The following PBX3 variants were observed in gnomAD, a reference collection of about 807,000 sequenced individuals.
PBX3 encodes the protein pre-B-cell leukemia transcription factor 3.
Under a neutral mutation model 48.5 loss-of-function variants are expected in PBX3, and 14 were observed. That is an observed-to-expected ratio of 0.29 (90% CI 0.19 to 0.45). PBX3 has a LOEUF of 0.45. PBX3 is among the 20% of genes least tolerant of loss of function. The probability of loss-of-function intolerance (pLI) is 1.00; values close to 1 mark genes in which losing one functional copy is unlikely to be tolerated. For missense variants in PBX3, 386 were observed against 546.7 expected (o/e 0.71, Z 2.93); for synonymous variants, 210 against 200.3 (o/e 1.05, Z -0.41).
intron 2 of PBX3, among the ~76,000 whole-genome samples, chr9:125,819,930 A>C (rs1484901999): frequency 6.6e-6 from 1 of 152,052 alleles, no homozygotes; most frequent in Non-Finnish European, 1.5e-5. Flanking sequence ...TTCCCATGTA[A>C]ATTTTATTTC....
chr9:125,780,631 C>T (rs1355009744), intron 2 of PBX3, among the ~76,000 whole-genome samples: 8 of 113,938 alleles, frequency 7.0e-5, no homozygotes, highest in African/African-American at 1.3e-4. Context: ...GGCGGCTGGC[C>T]GGGCGGGGGG....
intron 2 of PBX3, among the ~76,000 whole-genome samples, chr9:125,875,651 C>T (rs529557362): frequency 1.1e-4 from 16 of 152,084 alleles, no homozygotes; most frequent in Admixed American, 2.0e-4. Context: ...ATCTTCCTGA[C>T]CTTCTGCCGC....
At chr9:125,787,631 C>G (rs997237420) in intron 2 of PBX3, among the ~76,000 whole-genome samples, 3 of 151,920 alleles carry the variant, frequency 2.0e-5, no homozygotes, top group Admixed American at 6.6e-5. Flanking sequence ...GGGTCTGTTG[C>G]AAGAATAGTT....
chr9:125,834,837 G>A (rs376864437), intron 2 of PBX3, among the ~76,000 whole-genome samples: 3 of 150,038 alleles, frequency 2.0e-5, no homozygotes, highest in African/African-American at 4.9e-5. Flanking sequence ...CCAACATGGC[G>A]AAACCCCGTC....
intron 2 of PBX3, among the ~76,000 whole-genome samples, chr9:125,767,182 C>A (rs757672076): frequency 6.6e-6 from 1 of 152,108 alleles, no homozygotes; most frequent in Non-Finnish European, 1.5e-5. Flanking sequence ...AATGGAAAGC[C>A]ATTGGAAGTA....
intron 5 of PBX3, among the ~76,000 whole-genome samples, chr9:125,957,821 C>G (rs967357607): frequency 6.6e-6 from 1 of 152,162 alleles, no homozygotes; most frequent in Non-Finnish European, 1.5e-5. Flanking sequence ...CAAGACTATC[C>G]TCCTTTGCAC....
At chr9:125,757,555 T>C (rs1210653002) in intron 2 of PBX3, among the ~76,000 whole-genome samples, 1 of 152,182 alleles carries the variant, frequency 6.6e-6, no homozygotes, top group South Asian at 2.1e-4. Context: ...AACCTAGTAA[T>C]ATTGGCATAT....
chr9:125,889,930 G>C (rs1012515951), intron 2 of PBX3, among the ~76,000 whole-genome samples: 3 of 150,568 alleles, frequency 2.0e-5, no homozygotes, highest in South Asian at 2.1e-4. Flanking sequence ...CGCCCTGAGC[G>C]GTCCCCCGCG....
At chr9:125,911,069 A>C (rs1841193175) in intron 2 of PBX3, among the ~76,000 whole-genome samples, 1 of 151,932 alleles carries the variant, frequency 6.6e-6, no homozygotes, top group Non-Finnish European at 1.5e-5. Flanking sequence ...CCCAACCCCA[A>C]ATACTTTAGT....
In PBX3 at chr9:125,748,523, C is replaced by G. The variant is rs751713313; in HGVS notation, c.201-27C>G. 29 of 1,611,088 alleles carry G rather than the reference C, an allele frequency of 1.8e-5. No individual in the cohort carries two copies. The Admixed American group carries it at 3.5e-4, about 19-fold the overall frequency. On this transcript the variant is annotated intron_variant, in intron 1 of 8. Coordinates refer to ENST00000373489, the MANE Select transcript of PBX3 (RefSeq NM_006195.6). ...ATTATTCCATAGGTGATGCTAATAC[C>G]TTTGTGTTTCGTTATTTGTTTTTTA...
At chr9:125,804,710 A>G (rs1002015387) in intron 2 of PBX3, among the ~76,000 whole-genome samples, 3 of 152,146 alleles carry the variant, frequency 2.0e-5, no homozygotes, top group African/African-American at 7.2e-5. Context: ...AGGCCGAGGC[A>G]GGTGGATCAC....
intron 2 of PBX3, among the ~76,000 whole-genome samples, chr9:125,912,092 C>T (rs1048343739): frequency 7.9e-5 from 12 of 152,148 alleles, no homozygotes; most frequent in Non-Finnish European, 1.8e-4. Flanking sequence ...GTTGTTTGCA[C>T]CTCATTCACT....
chr9:125,867,036 G>T (rs1414114864), intron 2 of PBX3, among the ~76,000 whole-genome samples: 2 of 152,072 alleles, frequency 1.3e-5, no homozygotes, highest in Admixed American at 6.5e-5. Flanking sequence ...CTAGGGTCTT[G>T]TGACATCTGT....
intron 2 of PBX3, among the ~76,000 whole-genome samples, chr9:125,883,128 T>C (rs1840419403): frequency 6.6e-6 from 1 of 152,250 alleles, no homozygotes. Context: ...GTAGTTTAAG[T>C]CTTTTAATAT....
rs35298105 is a variant in PBX3 at position 125,966,116 on chromosome 9, T to TAA, written c.*200_*201dup. On this transcript the variant is annotated 3_prime_UTR_variant, in exon 9 of 9. Coordinates refer to ENST00000373489, the MANE Select transcript of PBX3 (RefSeq NM_006195.6). ...ATTTATACTTAAAAACACACAATGT[T>TAA]AAAAAAAATAAAGCACTTTATCCAA... is the stretch of plus-strand genomic sequence containing the variant. 111 of 388,068 alleles carry TAA rather than the reference T, an allele frequency of 2.9e-4. No individual in the cohort carries two copies. Among genetic ancestry groups the TAA allele is most frequent in the Middle Eastern group, 6.8e-4 (1 of 1,468 alleles). 24.0% of individuals were successfully genotyped at this position (388,068 alleles called of 1,614,324 possible).
chr9:125,907,927 C>T lies in PBX3; in HGVS notation c.275-7759C>T, dbSNP rs541898480. On this transcript the variant is annotated intron_variant, in intron 2 of 8. Coordinates refer to ENST00000373489, the MANE Select transcript of PBX3 (RefSeq NM_006195.6). Reference sequence around the variant, plus strand: ...CTACAAATGAGGCCAATGACATCCACCCTGTAAGGTTATTTTAAAAATCAA... The same window carrying T: ...CTACAAATGAGGCCAATGACATCCATCCTGTAAGGTTATTTTAAAAATCAA... Among the ~76,000 whole-genome samples the T allele has an allele frequency of 8.3e-4, 127 of 152,122 alleles. 1 individual carries two copies. The highest frequency in any genetic ancestry group is 1.1e-3 in the Non-Finnish European group (76 of 67,974).
intron 5 of PBX3, among the ~76,000 whole-genome samples, chr9:125,955,153 C>A (rs1197341267): frequency 6.6e-6 from 1 of 152,176 alleles, no homozygotes; most frequent in Admixed American, 6.5e-5. Flanking sequence ...CACTGGAACC[C>A]TTTCTGAACT....
chr9:125,856,884 C>CT (rs1158299779), intron 2 of PBX3, among the ~76,000 whole-genome samples: 8 of 152,084 alleles, frequency 5.3e-5, no homozygotes, highest in Admixed American at 5.2e-4. Flanking sequence ...TCTGGAAATG[C>CT]TTTTGGTTGG....
intron 2 of PBX3, among the ~76,000 whole-genome samples, chr9:125,908,196 G>A (rs1841120520): frequency 6.6e-6 from 1 of 152,080 alleles, no homozygotes; most frequent in African/African-American, 2.4e-5. Flanking sequence ...ACTGGGTCTG[G>A]GAGGAACTTA....
Sources: allele counts gnomAD v4.1 joint callset (sites outside exome capture counted in the v4.1 genomes callset), GRCh38; gene constraint gnomAD v4.1.1; transcripts MANE v1.5; gene names NCBI Gene and HGNC (gene_info 2026-07-23, HGNC 2026-07-21).